GLI3: variants seen among roughly 807,000 people sequenced by gnomAD.
The protein encoded by GLI3 is GLI family zinc finger 3, also known as transcription activator GLI3.
A neutral mutation model predicts 100.8 loss-of-function variants in GLI3; 20 were observed. The observed-to-expected ratio is 0.20, with a 90% CI of 0.14 to 0.29. The LOEUF is 0.29. GLI3 is among the 10% of genes least tolerant of loss of function. GLI3 has a pLI of 1.00. For missense variants in GLI3, 2,040 were observed against 2,128.5 expected, an observed-to-expected ratio of 0.96 and a Z score of 0.82; for synonymous variants, 938 against 860.5, an observed-to-expected ratio of 1.09 and a Z score of -1.58.
intron 2 of GLI3, among the ~76,000 whole-genome samples, chr7:42,165,179 CAAA>C (rs113990543): frequency 8.3e-6 from 1 of 120,844 alleles, no homozygotes. Context: ...AAACTGTGTC[CAAA>C]AAAAAAAAAA....
intron 2 of GLI3, among the ~76,000 whole-genome samples, chr7:42,204,726 C>T (rs909522659): frequency 6.6e-6 from 1 of 152,114 alleles, no homozygotes; most frequent in African/African-American, 2.4e-5. Context: ...CAACCTCTTT[C>T]TGAGCTTGAT....
intron 3 of GLI3, among the ~76,000 whole-genome samples, chr7:42,105,168 C>G (rs1785546151): frequency 1.3e-5 from 2 of 152,176 alleles, no homozygotes; most frequent in Non-Finnish European, 2.9e-5. Flanking sequence ...TTTCTAACTC[C>G]TGGTCTGACA....
chr7:42,061,165 C>G (rs1252711904), intron 4 of GLI3, among the ~76,000 whole-genome samples: 3 of 152,100 alleles, frequency 2.0e-5, no homozygotes, highest in Non-Finnish European at 2.9e-5. Flanking sequence ...ACTATTTAAT[C>G]CTTGCTTAAT....
chr7:41,990,943 T>A (rs940054866), intron 10 of GLI3, among the ~76,000 whole-genome samples: 11 of 151,822 alleles, frequency 7.2e-5, no homozygotes, highest in African/African-American at 2.7e-4. Flanking sequence ...CACAGGCACG[T>A]CTCAAGAACT....
intron 12 of GLI3, among the ~76,000 whole-genome samples, chr7:41,976,280 A>G (rs1035190718): frequency 1.3e-5 from 2 of 152,204 alleles, no homozygotes; most frequent in Non-Finnish European, 1.5e-5. Flanking sequence ...AATGTCTTCA[A>G]ACAGTTAGAA....
intron 3 of GLI3, among the ~76,000 whole-genome samples, chr7:42,105,152 C>T (rs1296087544): frequency 1.3e-5 from 2 of 152,104 alleles, no homozygotes; most frequent in East Asian, 1.9e-4. Flanking sequence ...GTCCTGAAGC[C>T]GTGTGTTTCT....
intron 3 of GLI3, among the ~76,000 whole-genome samples, chr7:42,078,798 C>T (rs1318938103): frequency 1.4e-5 from 2 of 146,082 alleles, no homozygotes; most frequent in African/African-American, 5.1e-5. Flanking sequence ...GGCTCGATCT[C>T]GGCTCACTGT....
intron 3 of GLI3, among the ~76,000 whole-genome samples, chr7:42,145,106 A>G (rs973572479): frequency 6.6e-6 from 1 of 152,218 alleles, no homozygotes; most frequent in Admixed American, 6.5e-5. Flanking sequence ...TATCACCTTC[A>G]ATTCACATCA....
chr7:42,150,927 G>T (rs1403609160), intron 2 of GLI3, among the ~76,000 whole-genome samples: 10 of 152,056 alleles, frequency 6.6e-5, no homozygotes, highest in African/African-American at 2.4e-4. Context: ...GCGGCGGAGT[G>T]GGGAGGGTGA....
intron 3 of GLI3, among the ~76,000 whole-genome samples, chr7:42,107,822 C>A (rs773096034): frequency 6.6e-6 from 1 of 152,168 alleles, no homozygotes; most frequent in East Asian, 1.9e-4. Context: ...CTATCAGCAA[C>A]GCGACCTGTG....
intron 3 of GLI3, among the ~76,000 whole-genome samples, chr7:42,107,290 G>A (rs1456776778): frequency 1.3e-5 from 2 of 152,110 alleles, no homozygotes; most frequent in African/African-American, 2.4e-5. Flanking sequence ...AGATCACACC[G>A]CTGCACTCCA....
At chr7:42,042,739 C>T (rs1168115081) in intron 6 of GLI3, among the ~76,000 whole-genome samples, 1 of 152,156 alleles carries the variant, frequency 6.6e-6, no homozygotes, top group East Asian at 1.9e-4. Context: ...TTCCATGAAA[C>T]CCTTTGGCTT....
rs1784224885 is a variant in GLI3, at chr7:42,045,395, T to C, written c.815A>G (p.His272Arg). The change falls in exon 6 of 15, where the codon CAT (histidine) becomes CGT (arginine). Residue 272 changes from histidine (H) to arginine (R), a missense_variant. By Grantham distance (29) the His-to-Arg change is conservative. This residue lies in a region of GLI3 where 603 missense variants were observed against 690.9 expected (regional missense o/e 0.87). Transcript: ENST00000395925. ...GTGAIHMEYL[H>R]AMDSTRFSSP... The stretch of plus-strand genomic sequence containing the variant: ...GCCCCGTCACTTACTATCCATAGCA[T>C]GAAGATATTCCATGTGGATGGCCCC... 1 of 1,614,076 alleles carries C rather than the reference T, an allele frequency of 6.2e-7. No homozygotes were observed. Among genetic ancestry groups the C allele is most frequent in the Non-Finnish European group, 8.5e-7 (1 of 1,179,908 alleles).
chr7:42,201,972 C>G (rs1349980878), intron 2 of GLI3, among the ~76,000 whole-genome samples: 5 of 151,166 alleles, frequency 3.3e-5, no homozygotes, highest in Non-Finnish European at 7.4e-5. Context: ...GTCCCAGCTA[C>G]TCAGGAGGCT....
intron 2 of GLI3, among the ~76,000 whole-genome samples, chr7:42,222,476 T>G (rs7806204): frequency 0.98 from 149,779 of 152,304 alleles, 73,663 homozygotes; most frequent in East Asian, 1. Context: ...GTACCAGGGA[T>G]GCTCTGGAAT....
chr7:42,113,582 G>T, intron 3 of GLI3: 1 of 1,044,804 alleles, frequency 9.6e-7, no homozygotes. Context: ...TGCCAAAAAA[G>T]ACCAGGCCCA....
intron 3 of GLI3, among the ~76,000 whole-genome samples, chr7:42,096,265 AGAAAG>A (rs1785336179): frequency 6.6e-6 from 1 of 152,178 alleles, no homozygotes; most frequent in Non-Finnish European, 1.5e-5. Context: ...GAATGAAGTG[AGAAAG>A]GAGAGTACCG....
At chr7:42,152,656 T>C (rs1054751520) in intron 2 of GLI3, among the ~76,000 whole-genome samples, 3 of 152,172 alleles carry the variant, frequency 2.0e-5, no homozygotes, top group Non-Finnish European at 2.9e-5. Flanking sequence ...CCTATCACAA[T>C]CAGCCTGAGA....
chr7:42,022,414 T>A (rs1173822544), intron 10 of GLI3, among the ~76,000 whole-genome samples: 1 of 151,956 alleles, frequency 6.6e-6, no homozygotes, highest in African/African-American at 2.4e-5. Context: ...AGGAGGGTTA[T>A]CAAGAAACAT....
Sources: allele counts gnomAD v4.1 joint callset (sites outside exome capture counted in the v4.1 genomes callset), GRCh38; gene constraint gnomAD v4.1.1; regional missense constraint gnomAD v4.1.1; transcripts MANE v1.5; gene names NCBI Gene and HGNC (gene_info 2026-07-23, HGNC 2026-07-21).